WWOX: variants seen among roughly 807,000 people sequenced by gnomAD.
WWOX encodes WW domain containing oxidoreductase.
Under a neutral mutation model 46.2 loss-of-function variants are expected in WWOX, and 69 were observed. The observed-to-expected ratio is 1.49, with a 90% CI of 1.23 to 1.82. The LOEUF is 1.82. Among genes scored for constraint, WWOX ranks in the 40% most tolerant of loss-of-function variants. The probability of loss-of-function intolerance (pLI) is 0.00; values close to 1 mark genes in which losing one functional copy is unlikely to be tolerated. For missense variants in WWOX, 919 were observed against 542.6 expected (o/e 1.69, Z -6.89); for synonymous variants, 359 against 202.6 (o/e 1.77, Z -6.56).
At chr16:78,652,463 C>A (rs578068669) in intron 8 of WWOX, among the ~76,000 whole-genome samples, 5 of 151,544 alleles carry the variant, frequency 3.3e-5, no homozygotes, top group African/African-American at 9.7e-5. Context: ...AAGCCATGTC[C>A]CATGAATTCC....
chr16:79,030,750 C>G (rs927327152), intron 8 of WWOX, among the ~76,000 whole-genome samples: 3 of 152,078 alleles, frequency 2.0e-5, no homozygotes, highest in Admixed American at 6.5e-5. Context: ...CAAACAAACA[C>G]CATGCCAACT....
intron 6 of WWOX, among the ~76,000 whole-genome samples, chr16:78,388,905 G>A (rs948913378): frequency 3.3e-5 from 5 of 151,176 alleles, no homozygotes; most frequent in South Asian, 2.1e-4. Flanking sequence ...GGAGGTGGAG[G>A]TTGCAGTGAG....
At position 79,211,589 on chromosome 16, in the gene WWOX, T is replaced by TTTC. The variant is rs1374485283; in HGVS notation, c.1057-13_1057-11dup. 1 of 1,613,968 alleles carries TTTC rather than the reference T, an allele frequency of 6.2e-7. No individual in the cohort carries two copies. The highest frequency in any genetic ancestry group is 2.2e-5 in the East Asian group (1 of 44,872). ...CCTTTTCTTAAAATTTTTTTTTGTC[T>TTTC]TTCTTCTTGGATTTCCAGCAACAGG... On this transcript the variant is annotated intron_variant, in intron 8 of 8. Coordinates refer to ENST00000566780, the MANE Select transcript of WWOX (RefSeq NM_016373.4).
intron 8 of WWOX, among the ~76,000 whole-genome samples, chr16:78,579,810 C>A (rs917814025): frequency 1.3e-5 from 2 of 152,094 alleles, no homozygotes; most frequent in Admixed American, 6.5e-5. Context: ...TACGGTGATA[C>A]CTGGAACATG....
intron 5 of WWOX, among the ~76,000 whole-genome samples, chr16:78,183,069 T>C (rs1256461853): frequency 6.6e-6 from 1 of 152,178 alleles, no homozygotes; most frequent in Non-Finnish European, 1.5e-5. Context: ...AGTGCATTGA[T>C]TGTTTGCCTG....
chr16:78,928,100 T>TGTC (rs908479889), intron 8 of WWOX, among the ~76,000 whole-genome samples: 2 of 152,176 alleles, frequency 1.3e-5, no homozygotes, highest in African/African-American at 4.8e-5. Context: ...AAAAGCCTTT[T>TGTC]GTCCGTATGT....
chr16:78,271,589 T>C (rs2079478881), intron 5 of WWOX, among the ~76,000 whole-genome samples: 1 of 152,210 alleles, frequency 6.6e-6, no homozygotes, highest in Admixed American at 6.5e-5. Flanking sequence ...GTTTTCCTTA[T>C]AGGATGATAG....
At chr16:78,999,666 T>A (rs2047056765) in intron 8 of WWOX, among the ~76,000 whole-genome samples, 1 of 151,940 alleles carries the variant, frequency 6.6e-6, no homozygotes, top group African/African-American at 2.4e-5. Context: ...TGCACCAGAG[T>A]GATTGGTGAT....
intron 8 of WWOX, among the ~76,000 whole-genome samples, chr16:78,734,455 G>A (rs546305982): frequency 3.9e-4 from 59 of 152,112 alleles, no homozygotes; most frequent in African/African-American, 1.4e-3. Flanking sequence ...TAACCTGTGC[G>A]TCCTTAAATC....
At chr16:78,520,488 C>T (rs2043324678) in intron 8 of WWOX, among the ~76,000 whole-genome samples, 1 of 152,064 alleles carries the variant, frequency 6.6e-6, no homozygotes, top group Admixed American at 6.6e-5. Context: ...AAGTAACTAG[C>T]CTGCTTTTAC....
At chr16:79,136,827 C>T (rs112232616) in intron 8 of WWOX, among the ~76,000 whole-genome samples, 142 of 152,296 alleles carry the variant, frequency 9.3e-4, no homozygotes, top group African/African-American at 3.3e-3. Context: ...ATGCCGGGAA[C>T]TTCTTAACAT....
intron 8 of WWOX, among the ~76,000 whole-genome samples, chr16:79,186,622 C>T (rs919756859): frequency 1.3e-5 from 2 of 152,124 alleles, no homozygotes; most frequent in Non-Finnish European, 2.9e-5. Context: ...GAGGCAATGG[C>T]GGTTGGGACT....
chr16:78,919,144 C>T (rs917347000), intron 8 of WWOX, among the ~76,000 whole-genome samples: 7 of 152,132 alleles, frequency 4.6e-5, no homozygotes, highest in Admixed American at 1.3e-4. Context: ...ACAATGACCG[C>T]AATAACCAAC....
intron 8 of WWOX, among the ~76,000 whole-genome samples, chr16:78,716,477 T>C (rs72799085): frequency 0.17 from 25,641 of 152,030 alleles, 2,774 homozygotes; most frequent in East Asian, 0.23. Flanking sequence ...AGATGAGTGT[T>C]ATTTGGCAGA....
intron 5 of WWOX, among the ~76,000 whole-genome samples, chr16:78,273,322 C>G (rs13331180): frequency 0.019 from 2,910 of 151,316 alleles, 85 homozygotes; most frequent in African/African-American, 0.063. Flanking sequence ...TAAGTTTCCC[C>G]AAGCTGATCA....
In WWOX at chr16:78,579,894, C is replaced by G. The variant is rs186812648; in HGVS notation, c.1056+147142C>G. Among the ~76,000 whole-genome samples the G allele has an allele frequency of 1.9e-4, 29 of 152,270 alleles. No homozygotes were observed. The East Asian group carries it at 4.4e-3, about 23-fold the overall frequency. On this transcript the variant is annotated intron_variant, in intron 8 of 8. Coordinates refer to ENST00000566780, the MANE Select transcript of WWOX (RefSeq NM_016373.4). ...ACTCACTGGAACCCAAGCAAAGTGT[C>G]TCTGCATTTCACTCCGAGCCATCGA...
chr16:79,062,865 C>G (rs2048379460), intron 8 of WWOX, among the ~76,000 whole-genome samples: 1 of 152,142 alleles, frequency 6.6e-6, no homozygotes, highest in Admixed American at 6.5e-5. Flanking sequence ...GAAGGAACAT[C>G]TGTTTTAAGT....
intron 8 of WWOX, among the ~76,000 whole-genome samples, chr16:78,676,950 A>C (rs925216220): frequency 6.6e-6 from 1 of 152,222 alleles, no homozygotes; most frequent in African/African-American, 2.4e-5. Context: ...AGTTTTGAAT[A>C]AAAACGGTGT....
At chr16:78,657,343 A>G (rs1326791564) in intron 8 of WWOX, among the ~76,000 whole-genome samples, 15 of 151,942 alleles carry the variant, frequency 9.9e-5, no homozygotes, top group Admixed American at 7.2e-4. Flanking sequence ...GGGGAAGGGG[A>G]CTTTCTTGCT....
Sources: gnomAD v4.1 joint callset for allele counts (sites outside exome capture counted in the v4.1 genomes callset) on GRCh38, gnomAD v4.1.1 for gene constraint, MANE v1.5 for transcripts, NCBI Gene and HGNC (gene_info 2026-07-23, HGNC 2026-07-21) for gene names.